The following RFTN1 variants were observed in gnomAD, a reference collection of about 807,000 sequenced individuals.
RFTN1 encodes the protein raftlin, lipid raft linker 1.
In RFTN1, 26 loss-of-function variants were observed where a neutral mutation model predicts 46.5. The observed-to-expected ratio is 0.56, with a 90% CI of 0.41 to 0.78. RFTN1 has a LOEUF of 0.78. RFTN1 is among the 30% of genes least tolerant of loss of function. RFTN1 has a pLI of 0.00. For synonymous variants in RFTN1, 261 were observed against 284.2 expected, an observed-to-expected ratio of 0.92 and a Z score of 0.82; for missense variants, 693 against 718.7, an observed-to-expected ratio of 0.96 and a Z score of 0.41.
At chr3:16,501,727 A>G (rs1304206711) in intron 1 of RFTN1, among the ~76,000 whole-genome samples, 1 of 152,236 alleles carries the variant, frequency 6.6e-6, no homozygotes, top group African/African-American at 2.4e-5. Flanking sequence ...TCCAAATTAA[A>G]AAGTCTTTAC....
At position 16,357,152 on chromosome 3, in the gene RFTN1, AC is replaced by A. The variant is rs796396165; in HGVS notation, c.1146+779del. ...AACAAAAAAACAAACAAACAAACAA[AC>A]AAAAAAAACCAAGAATTCAGTTCTC... On this transcript the variant is annotated intron_variant, in intron 7 of 9. Transcript: ENST00000334133. 5.0e-4 allele frequency among the ~76,000 whole-genome samples: 71 copies of A among 141,192 alleles called. 1 individual carries two copies. The Middle Eastern group carries it at 0.012, about 24-fold the overall frequency. The allele number at this position is 141,192 out of a possible 152,430, so 92.6% of individuals were successfully genotyped here.
At position 16,322,268 on chromosome 3, in the gene RFTN1, C is replaced by CA. The variant is rs2069149732; in HGVS notation, c.1332+1107dup. Reference sequence around the variant, plus strand: ...CAGAGCCTGGAGAAAGACCTTCCTCCACACTCCAGCCCATCTGGCTTCAAG... The same window carrying CA: ...CAGAGCCTGGAGAAAGACCTTCCTCCAACACTCCAGCCCATCTGGCTTCAAG... On this transcript the variant is annotated intron_variant, in intron 9 of 9. Coordinates refer to ENST00000334133, the MANE Select transcript of RFTN1 (RefSeq NM_015150.2). This position sits in a 1 kb window ranked among gnomAD's most constrained non-coding sequence, Gnocchi z 6.2. Among the ~76,000 whole-genome samples, 1 of 152,210 alleles carries CA rather than the reference C, an allele frequency of 6.6e-6. No homozygotes were observed. Among genetic ancestry groups the CA allele is most frequent in the Admixed American group, 6.5e-5 (1 of 15,274 alleles).
chr3:16,454,635 A>T, intron 2 of RFTN1: 1 of 374,088 alleles, frequency 2.7e-6, no homozygotes, highest in Non-Finnish European at 3.7e-6. Context: ...ATAAGACACA[A>T]ATCTCTCCTT....
intron 3 of RFTN1, among the ~76,000 whole-genome samples, chr3:16,423,332 A>G (rs2075227783): frequency 1.3e-5 from 2 of 152,170 alleles, no homozygotes; most frequent in South Asian, 4.1e-4. Context: ...GACACCAGAG[A>G]GTCTACTAAA....
chr3:16,364,955 G>A (rs1260349825), intron 6 of RFTN1, among the ~76,000 whole-genome samples: 2 of 152,208 alleles, frequency 1.3e-5, no homozygotes, highest in Non-Finnish European at 2.9e-5. Context: ...TGACATGGGT[G>A]TGCTCACCTT....
chr3:16,492,925 T>C (rs1013966299), intron 2 of RFTN1, among the ~76,000 whole-genome samples: 3 of 152,164 alleles, frequency 2.0e-5, no homozygotes, highest in African/African-American at 7.2e-5. Context: ...CCCTTGCCAG[T>C]CTTCTCGGGC....
At chr3:16,405,875 A>G (rs994299778) in intron 4 of RFTN1, among the ~76,000 whole-genome samples, 3 of 152,218 alleles carry the variant, frequency 2.0e-5, no homozygotes, top group Admixed American at 1.3e-4. Flanking sequence ...AACGGGAGCC[A>G]TTATTTCACA....
intron 4 of RFTN1, among the ~76,000 whole-genome samples, chr3:16,404,313 TTA>T (rs1559328889): frequency 6.2e-5 from 1 of 16,114 alleles, no homozygotes; most frequent in Non-Finnish European, 9.9e-5. Flanking sequence ...GTAATATATA[TTA>T]TATATAATAT....
At chr3:16,437,050 G>A in intron 2 of RFTN1, among the ~76,000 whole-genome samples, 1 of 152,168 alleles carries the variant, frequency 6.6e-6, no homozygotes, top group African/African-American at 2.4e-5. Flanking sequence ...GCAAGAAACT[G>A]GCAAAATTTT....
chr3:16,375,160 G>A (rs563510786), intron 5 of RFTN1, among the ~76,000 whole-genome samples: 2 of 152,282 alleles, frequency 1.3e-5, no homozygotes, highest in South Asian at 2.1e-4. Flanking sequence ...GGGGCTCTGA[G>A]AGAAGGCAAG....
chr3:16,471,160 C>G (rs571271923), intron 2 of RFTN1, among the ~76,000 whole-genome samples: 2 of 152,100 alleles, frequency 1.3e-5, no homozygotes, highest in Admixed American at 6.5e-5. Context: ...TGATCAAAAC[C>G]CTATTGTTAA....
rs1163091735 is a variant in RFTN1, at chr3:16,442,112, C to A, written c.146-8075G>T. Among the ~76,000 whole-genome samples, 1 of 152,118 alleles carries A rather than the reference C, an allele frequency of 6.6e-6. No individual in the cohort carries two copies. The highest frequency in any genetic ancestry group is 1.5e-5 in the Non-Finnish European group (1 of 68,032). ...CTGTCATCTTCTCATTAAACAAACT[C>A]ATGTATCTGAAACTTAAAAAACAAA... On this transcript the variant is annotated intron_variant, in intron 2 of 9. Transcript: ENST00000334133. This position sits in a 1 kb window ranked among gnomAD's most constrained non-coding sequence, Gnocchi z 4.1.
Position 16,356,698 on chromosome 3 carries a change from C to G in RFTN1, c.1146+1234G>C, listed in dbSNP as rs991128586. Among the ~76,000 whole-genome samples the G allele has an allele frequency of 4.6e-5, 7 of 152,332 alleles. No homozygotes were observed. In the South Asian group the frequency reaches 6.2e-4, roughly 14 times the overall value. ...ACTGGCTGTCTAGAGGGTCCCAGTG[C>G]CCCACACTCCTCACAAAGGGTTGTA... On this transcript the variant is annotated intron_variant, in intron 7 of 9. Coordinates refer to ENST00000334133, the MANE Select transcript of RFTN1 (RefSeq NM_015150.2). The surrounding 1 kb of genome is among the most constrained non-coding windows in gnomAD (Gnocchi z 4.9).
intron 7 of RFTN1, among the ~76,000 whole-genome samples, chr3:16,340,757 C>T (rs558290555): frequency 2.0e-5 from 3 of 152,246 alleles, no homozygotes; most frequent in East Asian, 1.9e-4. Context: ...TTGTCCAAAC[C>T]GTTTCTGAAC....
rs2074246219 is a variant in RFTN1 at position 16,387,964 on chromosome 3, C to G, written c.442-9862G>C. ...CATGCTGGCCTGTATACAGCCCTCACAGCAGCCAGGCTGGTATCTGAAAGA... is the reference window on the plus strand; with the variant it reads ...CATGCTGGCCTGTATACAGCCCTCAGAGCAGCCAGGCTGGTATCTGAAAGA... On this transcript the variant is annotated intron_variant, in intron 4 of 9. Coordinates refer to ENST00000334133, the MANE Select transcript of RFTN1 (RefSeq NM_015150.2). This position sits in a 1 kb window ranked among gnomAD's most constrained non-coding sequence, Gnocchi z 5.2. Among the ~76,000 whole-genome samples, 1 of 151,206 alleles carries G rather than the reference C, an allele frequency of 6.6e-6. No individual in the cohort carries two copies. The highest frequency in any genetic ancestry group is 1.5e-5 in the Non-Finnish European group (1 of 68,040).
intron 2 of RFTN1, among the ~76,000 whole-genome samples, chr3:16,487,837 G>A (rs2076474763): frequency 6.6e-6 from 1 of 152,204 alleles, no homozygotes; most frequent in Non-Finnish European, 1.5e-5. Flanking sequence ...TGCAGAAATT[G>A]TGATGCTTTA....
At position 16,504,359 on chromosome 3, in the gene RFTN1, AC is replaced by A. The variant is rs1404714284; in HGVS notation, c.-9+9082del. Among the ~76,000 whole-genome samples the A allele has an allele frequency of 6.6e-6, 1 of 152,086 alleles. No homozygotes were observed. Among genetic ancestry groups the A allele is most frequent in the Non-Finnish European group, 1.5e-5 (1 of 68,022 alleles). On this transcript the variant is annotated intron_variant, in intron 1 of 9. Coordinates refer to ENST00000334133, the MANE Select transcript of RFTN1 (RefSeq NM_015150.2). The surrounding 1 kb of genome is among the most constrained non-coding windows in gnomAD (Gnocchi z 4.4). ...ACTTGGAACCACACTGAACACCACC[AC>A]CCTCATTTTCAGTTCCACACTGATT... is the stretch of plus-strand genomic sequence containing the variant.
intron 7 of RFTN1, chr3:16,347,862 T>C (rs1380187859): frequency 1.3e-5 from 2 of 152,254 alleles, no homozygotes; most frequent in Non-Finnish European, 2.9e-5. Flanking sequence ...AGGTTCCCTA[T>C]AAGGAGACCC....
chr3:16,471,548 G>A (rs2076196223), intron 2 of RFTN1, among the ~76,000 whole-genome samples: 1 of 152,226 alleles, frequency 6.6e-6, no homozygotes, highest in Admixed American at 6.5e-5. Context: ...AAGGAGGTCA[G>A]GGAGAGAAGG....
Sources: allele counts gnomAD v4.1 joint callset (sites outside exome capture counted in the v4.1 genomes callset), GRCh38; gene constraint gnomAD v4.1.1; non-coding constraint Gnocchi (gnomAD v3.1); transcripts MANE v1.5; gene names NCBI Gene and HGNC (gene_info 2026-07-23, HGNC 2026-07-21).